TRAP1: variants seen among roughly 807,000 people sequenced by gnomAD.
TRAP1 encodes the protein heat shock protein 75 kDa, mitochondrial.
TRAP1 carries 102 observed loss-of-function variants against 89.1 expected under a neutral mutation model. The ratio of observed to expected loss-of-function variants is 1.15; its 90% confidence interval spans 0.98 to 1.35. The LOEUF (loss-of-function observed/expected upper bound fraction) is 1.35. Among genes scored for constraint, TRAP1 ranks in the 40% most tolerant of loss-of-function variants. The pLI is 0.00. For synonymous variants in TRAP1, 508 were observed against 388.0 expected (o/e 1.31, Z -3.64); for missense variants, 1,256 against 945.3 (o/e 1.33, Z -4.31).
intron 5 of TRAP1, chr16:3,678,535 C>T (rs1295218520): frequency 6.6e-6 from 1 of 152,244 alleles, no homozygotes; most frequent in African/African-American, 2.4e-5. Flanking sequence ...GTGATCTCAG[C>T]TCACTGCAAC....
intron 10 of TRAP1, among the ~76,000 whole-genome samples, 200 bp from the exon 11 acceptor site, chr16:3,671,991 G>A (rs188096725): frequency 6.6e-6 from 1 of 152,248 alleles, no homozygotes; most frequent in Non-Finnish European, 1.5e-5. Context: ...GTGGGTGGCC[G>A]GGACAGCCTC....
intron 1 of TRAP1, among the ~76,000 whole-genome samples, chr16:3,691,827 G>A (rs553437243): frequency 6.6e-6 from 1 of 152,066 alleles, no homozygotes; most frequent in African/African-American, 2.4e-5. Flanking sequence ...GCTGACGATG[G>A]GTTCTACCTT....
intron 4 of TRAP1, among the ~76,000 whole-genome samples, chr16:3,682,233 G>C (rs1331132084): frequency 6.6e-6 from 1 of 151,906 alleles, no homozygotes. Context: ...CTAAATATAA[G>C]AGCTAAAGCT....
At chr16:3,674,515 G>T (rs750011571) in intron 8 of TRAP1, 21 bp from the exon 9 acceptor site, 1 of 1,611,756 alleles carries the variant, frequency 6.2e-7, no homozygotes, top group South Asian at 1.1e-5. Context: ...AGATCGGCGG[G>T]GAGGGCGTCG....
rs578213302 is a variant in TRAP1 at position 3,705,945 on chromosome 16, G to A, written c.88+11476C>T. 4.6e-5 allele frequency among the ~76,000 whole-genome samples: 7 copies of A among 150,830 alleles called. No individual in the cohort carries two copies. In the South Asian group the frequency reaches 8.4e-4, roughly 18 times the overall value. ...TGACCTCAGGTGATCGGCCCACCTC[G>A]GCCTCCCAAAGTGCTGGGATTACAG... On this transcript the variant is annotated intron_variant, in intron 1 of 17. Coordinates refer to ENST00000246957, the MANE Select transcript of TRAP1 (RefSeq NM_016292.3).
chr16:3,688,172 GT>G (rs199589462), intron 3 of TRAP1, among the ~76,000 whole-genome samples: 3,895 of 151,902 alleles, frequency 0.026, 164 homozygotes, highest in African/African-American at 0.089. Context: ...GTTTTGCGGG[GT>G]TTTTTTTAAT....
chr16:3,658,358 T>A, intron 17 of TRAP1, 128 bp from the exon 18 acceptor site: 1 of 725,564 alleles, frequency 1.4e-6, no homozygotes, highest in Non-Finnish European at 2.3e-6. Flanking sequence ...CACTGCAACC[T>A]CAGGTGATCC....
At chr16:3,668,869 G>C (rs1358001938) in intron 11 of TRAP1, among the ~76,000 whole-genome samples, 1 of 152,220 alleles carries the variant, frequency 6.6e-6, no homozygotes, top group Non-Finnish European at 1.5e-5. Flanking sequence ...TCTCAGTGGA[G>C]AAGAAATACT....
At chr16:3,679,864 G>T (rs2051052253) in intron 4 of TRAP1, 74 bp from the exon 5 acceptor site, 1 of 1,447,372 alleles carries the variant, frequency 6.9e-7, no homozygotes, top group African/African-American at 1.4e-5. Flanking sequence ...GCAGTCCCAG[G>T]GACTCAAGTG....
intron 2 of TRAP1, among the ~76,000 whole-genome samples, chr16:3,690,243 C>T (rs899086548): frequency 6.6e-6 from 1 of 152,128 alleles, no homozygotes; most frequent in Non-Finnish European, 1.5e-5. Flanking sequence ...TGGCCTCAAG[C>T]AATCCTCCTG....
intron 1 of TRAP1, among the ~76,000 whole-genome samples, chr16:3,697,015 C>T (rs1473658223): frequency 6.6e-6 from 1 of 152,158 alleles, no homozygotes; most frequent in Non-Finnish European, 1.5e-5. Flanking sequence ...CGTAAGACAC[C>T]ACGCCCAGCC....
In TRAP1 at chr16:3,662,932, G is replaced by A. The variant is rs774558345; in HGVS notation, c.1744C>T (p.Leu582Phe). The A allele has an allele frequency of 2.1e-5, 34 of 1,612,728 alleles. No individual in the cohort carries two copies. In the Admixed American group the frequency reaches 5.3e-4, roughly 25 times the overall value. ...ECLSEKETEELMAWMRNVLGS... is the reference protein window; with the variant it reads ...ECLSEKETEEFMAWMRNVLGS... ...AGCACATTTCTCATCCAGGCCATGA[G>A]CTCCTCCGTCTCCTTCTCTGATAGG... The change falls in exon 15 of 18, where the codon CTC becomes TTC. Residue 582 changes from leucine to phenylalanine, a missense_variant. Transcript: ENST00000246957.
intron 12 of TRAP1, among the ~76,000 whole-genome samples, chr16:3,665,745 G>C (rs553494485): frequency 6.6e-6 from 1 of 152,294 alleles, no homozygotes; most frequent in East Asian, 1.9e-4. Context: ...GTGAGGCTGA[G>C]CCCTTCAGAG....
At chr16:3,675,989 G>A in intron 7 of TRAP1, 47 bp downstream of exon 7, 1 of 1,535,836 alleles carries the variant, frequency 6.5e-7, no homozygotes, top group South Asian at 1.2e-5. Flanking sequence ...TGGCCTCCAG[G>A]CCACACATGG....
At chr16:3,707,344 C>T (rs1404957214) in intron 1 of TRAP1, among the ~76,000 whole-genome samples, 1 of 151,462 alleles carries the variant, frequency 6.6e-6, no homozygotes. Flanking sequence ...CACCACCACA[C>T]CCGGCTAATG....
rs2051608193 is a variant in TRAP1, at chr16:3,717,138, C to T, written c.88+283G>A. Among the ~76,000 whole-genome samples, 3 of 152,258 alleles carry T rather than the reference C, an allele frequency of 2.0e-5. No individual in the cohort carries two copies. The South Asian group carries it at 6.2e-4, about 31-fold the overall frequency. Reference sequence around the variant, plus strand: ...GACTGGACCGAAGCTCCAGGAGGGACGACCCCGCAGCCGCTCCGCCCGACC... The same window carrying T: ...GACTGGACCGAAGCTCCAGGAGGGATGACCCCGCAGCCGCTCCGCCCGACC... On this transcript the variant is annotated intron_variant, in intron 1 of 17. Transcript: ENST00000246957.
At chr16:3,694,801 C>T (rs1351283794) in intron 1 of TRAP1, among the ~76,000 whole-genome samples, 1 of 152,110 alleles carries the variant, frequency 6.6e-6, no homozygotes, top group South Asian at 2.1e-4. Flanking sequence ...GCTTGGTTAC[C>T]TACAGGAGGT....
In TRAP1 at chr16:3,700,687, A is replaced by C. The variant is rs150429277; in HGVS notation, c.89-9702T>G. 1.1e-3 allele frequency among the ~76,000 whole-genome samples: 171 copies of C among 151,906 alleles called. 4 individuals are homozygous for C. The East Asian group carries it at 0.028, about 25-fold the overall frequency. ...CTCCATGTTGCCCAGGCTGGTCTCA[A>C]ACTCTGGGGCTCAAGGGATCCTCCT... On this transcript the variant is annotated intron_variant, in intron 1 of 17. Coordinates refer to ENST00000246957, the MANE Select transcript of TRAP1 (RefSeq NM_016292.3).
At chr16:3,677,775 C>G in intron 5 of TRAP1, 117 bp from the exon 6 acceptor site, 6 of 1,241,444 alleles carry the variant, frequency 4.8e-6, no homozygotes, top group Non-Finnish European at 6.6e-6. Flanking sequence ...ACAGCCACAC[C>G]GAGTACTTTT....
Sources: allele counts gnomAD v4.1 joint callset (sites outside exome capture counted in the v4.1 genomes callset), GRCh38; gene constraint gnomAD v4.1.1; transcripts MANE v1.5; gene names NCBI Gene and HGNC (gene_info 2026-07-23, HGNC 2026-07-21).